The following NPEPL1 variants were observed in gnomAD, a reference collection of about 807,000 sequenced individuals.
NPEPL1 encodes the protein aminopeptidase like 1.
A neutral mutation model predicts 52.4 loss-of-function variants in NPEPL1; 45 were observed. The ratio of observed to expected loss-of-function variants is 0.86; its 90% CI spans 0.68 to 1.10. The LOEUF (loss-of-function observed/expected upper bound fraction) is 1.10, where lower values mean the gene tolerates loss of function less well. NPEPL1 is among the 50% of genes least tolerant of loss of function. NPEPL1 has a pLI of 0.00. For synonymous variants in NPEPL1, 360 were observed against 314.7 expected, an observed-to-expected ratio of 1.14 and a Z score of -1.52; for missense variants, 696 against 710.9, an observed-to-expected ratio of 0.98 and a Z score of 0.24.
At chr20:58,699,691 G>T (rs958603578) in intron 5 of NPEPL1, among the ~76,000 whole-genome samples, 5 of 152,132 alleles carry the variant, frequency 3.3e-5, no homozygotes, top group Non-Finnish European at 7.4e-5. Flanking sequence ...ATATATTTTT[G>T]GTGGAGGCCA....
Position 58,693,913 on chromosome 20 carries a change from C to T in NPEPL1, c.327C>T (p.Arg109=), listed in dbSNP as rs1417983369. The change falls in exon 2 of 12, where the codon CGC becomes CGT. Residue 109 remains arginine, a synonymous_variant. Coordinates refer to ENST00000356091, the MANE Select transcript of NPEPL1 (RefSeq NM_024663.4). ...VRTCLPPGAH[R]CIVMVCEQPE... ...CCTGCCTGCCGCCCGGAGCGCATCG[C>T]TGCATTGTGGTGAGTGCTTCGAGAG... is the stretch of plus-strand genomic sequence containing the variant. 7 of 1,601,818 alleles carry T rather than the reference C, an allele frequency of 4.4e-6. No homozygotes were observed. Among genetic ancestry groups the T allele is most frequent in the Non-Finnish European group, 6.0e-6 (7 of 1,174,154 alleles).
chr20:58,698,630 G>A (rs6100169), intron 3 of NPEPL1, 54 bp from the exon 4 acceptor site: 3 of 1,411,080 alleles, frequency 2.1e-6, no homozygotes, highest in South Asian at 1.2e-5. Flanking sequence ...GGATGGACAA[G>A]GGGAGAACAT....
chr20:58,703,709 T>G, intron 6 of NPEPL1: 1 of 984,702 alleles, frequency 1.0e-6, no homozygotes, highest in Non-Finnish European at 1.2e-6. Flanking sequence ...ACCTGTGCAG[T>G]TAGTCAGCTC....
At chr20:58,696,737 C>A (rs2084499998) in intron 3 of NPEPL1, among the ~76,000 whole-genome samples, 1 of 152,258 alleles carries the variant, frequency 6.6e-6, no homozygotes, top group African/African-American at 2.4e-5. Flanking sequence ...AAGGTGGCAT[C>A]TTCTGAGTGC....
chr20:58,715,655 G>T lies in NPEPL1; in HGVS notation c.*329G>T. On this transcript the variant is annotated 3_prime_UTR_variant, in exon 12 of 12. Transcript: ENST00000356091. Reference sequence around the variant, plus strand: ...CTGTCCCAGCCCCAGGTCCTGTGCAGGGCACCTGCGTGGCTGACAGCCAGG... The same window carrying T: ...CTGTCCCAGCCCCAGGTCCTGTGCATGGCACCTGCGTGGCTGACAGCCAGG... 4.9e-6 allele frequency: 1 copy of T among 205,032 alleles called. No homozygotes were observed. The highest frequency in any genetic ancestry group is 1.3e-4 in the East Asian group (1 of 7,468). 12.7% of individuals were successfully genotyped at this position (205,032 alleles called of 1,614,324 possible). A position where few individuals can be genotyped will look rare whatever the true frequency, so the allele number is the denominator to read the frequency against.
At chr20:58,696,851 C>T (rs955028488) in intron 3 of NPEPL1, among the ~76,000 whole-genome samples, 4 of 152,324 alleles carry the variant, frequency 2.6e-5, no homozygotes, top group East Asian at 1.9e-4. Context: ...GTTGTCCCCA[C>T]GACATTGAGT....
At chr20:58,700,902 A>T in intron 5 of NPEPL1, 114 bp from the exon 6 acceptor site, 1 of 1,118,366 alleles carries the variant, frequency 8.9e-7, no homozygotes, top group Non-Finnish European at 1.2e-6. Flanking sequence ...CACCAGGCTC[A>T]GGCAGGCGGC....
At chr20:58,712,123 G>A (rs2084860369) in intron 7 of NPEPL1, among the ~76,000 whole-genome samples, 1 of 152,212 alleles carries the variant, frequency 6.6e-6, no homozygotes, top group Admixed American at 6.5e-5. Flanking sequence ...GTGTGTGTGT[G>A]TGTGTATTGA....
At chr20:58,704,429 A>G (rs368749540) in intron 6 of NPEPL1, 2 of 930,680 alleles carry the variant, frequency 2.1e-6, no homozygotes, top group Non-Finnish European at 2.6e-6. Flanking sequence ...TTGTATAACA[A>G]TGTCTATTGA....
Position 58,693,891 on chromosome 20 carries a change from G to A in NPEPL1, c.305G>A (p.Cys102Tyr). 6.2e-7 allele frequency: 1 copy of A among 1,611,734 alleles called. No individual in the cohort carries two copies. Among genetic ancestry groups the A allele is most frequent in the Non-Finnish European group, 8.5e-7 (1 of 1,178,834 alleles). The change falls in exon 2 of 12, where the codon TGC becomes TAC. Residue 102 changes from cysteine to tyrosine, a missense_variant. Coordinates refer to ENST00000356091, the MANE Select transcript of NPEPL1 (RefSeq NM_024663.4). ...AHFITRLVRT[C>Y]LPPGAHRCIV... ...TTCATCACGCGGCTGGTGCGGACCTGCCTGCCGCCCGGAGCGCATCGCTGC... is the reference window on the plus strand; with the variant it reads ...TTCATCACGCGGCTGGTGCGGACCTACCTGCCGCCCGGAGCGCATCGCTGC...
In NPEPL1 at chr20:58,714,847, C is replaced by T. The variant is rs1057054683; in HGVS notation, c.1413+177C>T. 45 of 625,074 alleles carry T rather than the reference C, an allele frequency of 7.2e-5. 1 individual carries two copies. Among genetic ancestry groups the T allele is most frequent in the Middle Eastern group, 8.3e-4 (2 of 2,414 alleles). The allele number at this position is 625,074 out of a possible 1,614,324, so 38.7% of individuals were successfully genotyped here. A position where few individuals can be genotyped will look rare whatever the true frequency, so the allele number is the denominator to read the frequency against. On this transcript the variant is annotated intron_variant, in intron 11 of 11. Transcript: ENST00000356091. ...ATCCTCCCTGGGAACAGAGTGGCTG[C>T]TGTGTGCGACCCTTCCCCAGCCAGC...
In NPEPL1 at chr20:58,704,117, C is replaced by T. The variant is rs536579607; in HGVS notation, c.822+2959C>T. 69 of 985,388 alleles carry T rather than the reference C, an allele frequency of 7.0e-5. No individual in the cohort carries two copies. In the South Asian group the frequency reaches 8.0e-4, roughly 11 times the overall value. 61.0% of individuals were successfully genotyped at this position (985,388 alleles called of 1,614,324 possible). ...GCTCCAGCCATTGATGCAAAGACCC[C>T]AATCCTGACCTGAAGGCGCTCACAA... On this transcript the variant is annotated intron_variant, in intron 6 of 11. Transcript: ENST00000356091.
chr20:58,705,561 A>G (rs1276559762), intron 6 of NPEPL1: 1 of 456,292 alleles, frequency 2.2e-6, no homozygotes, highest in Admixed American at 2.3e-5. Flanking sequence ...ATACTCCAGC[A>G]CAGGGGGTGT....
At position 58,699,071 on chromosome 20, in the gene NPEPL1, C is replaced by T. The variant is rs2084555581; in HGVS notation, c.598-126C>T. 3.0e-5 allele frequency: 26 copies of T among 874,840 alleles called. No homozygotes were observed. The South Asian group carries it at 3.8e-4, about 13-fold the overall frequency. 54.2% of individuals were successfully genotyped at this position (874,840 alleles called of 1,614,324 possible). On this transcript the variant is annotated intron_variant, in intron 4 of 11. Transcript: ENST00000356091. ...TGGGTTTCATCACACGCGAAGCTGG[C>T]TCCCAAGCCCGGCTCCCCGACGCGG...
chr20:58,710,618 G>A (rs1187366309), intron 7 of NPEPL1, among the ~76,000 whole-genome samples: 1 of 152,188 alleles, frequency 6.6e-6, no homozygotes, highest in African/African-American at 2.4e-5. Flanking sequence ...AGCACTCACA[G>A]TCCAGCCCCA....
At chr20:58,690,424 TTATC>T (rs536108709), upstream of NPEPL1, among the ~76,000 whole-genome samples, 3 of 152,242 alleles carry the variant, frequency 2.0e-5, no homozygotes, top group East Asian at 1.9e-4. Flanking sequence ...TCATAAAAAT[TTATC>T]TAAACAAAGT....
upstream of NPEPL1, chr20:58,691,379 T>C: frequency 2.0e-6 from 1 of 495,168 alleles, no homozygotes; most frequent in Non-Finnish European, 3.5e-6. Context: ...TTTTTTTTTT[T>C]TTTTTTTTTT....
chr20:58,705,883 T>G (rs1353458588), intron 6 of NPEPL1, among the ~76,000 whole-genome samples: 1 of 152,206 alleles, frequency 6.6e-6, no homozygotes, highest in African/African-American at 2.4e-5. Flanking sequence ...TCAAACAGAT[T>G]AGCTCAGAAG....
chr20:58,701,328 T>TGGGGA (rs2084615909), intron 6 of NPEPL1, among the ~76,000 whole-genome samples, 170 bp downstream of exon 6: 1 of 2,868 alleles, frequency 3.5e-4, no homozygotes, highest in Non-Finnish European at 7.2e-4. Context: ...TGGGGTGGGG[T>TGGGGA]GGGGAGGGGA....
Sources: allele counts gnomAD v4.1 joint callset (sites outside exome capture counted in the v4.1 genomes callset), GRCh38; gene constraint gnomAD v4.1.1; transcripts MANE v1.5; gene names NCBI Gene and HGNC (gene_info 2026-07-23, HGNC 2026-07-21).